The following ADGRE3 variants were observed in gnomAD, a reference collection of about 807,000 sequenced individuals.
The protein encoded by ADGRE3 is EGF-like module receptor 3.
A neutral mutation model predicts 80.1 loss-of-function variants in ADGRE3; 88 were observed. That is an observed-to-expected ratio of 1.10 (90% CI 0.93 to 1.31). The LOEUF (loss-of-function observed/expected upper bound fraction) is 1.31, where lower values mean the gene tolerates loss of function less well. Ranked by LOEUF, ADGRE3 falls within the 40% of genes most tolerant of loss-of-function variation. The pLI is 0.00. For missense variants in ADGRE3, 715 were observed against 776.5 expected (o/e 0.92, Z 0.94); for synonymous variants, 281 against 294.8 (o/e 0.95, Z 0.48).
chr19:14,612,594 C>T, the ADGRE3 span, among the ~76,000 whole-genome samples: 1 of 152,110 alleles, frequency 6.6e-6, no homozygotes, highest in Admixed American at 6.5e-5. Flanking sequence ...CTTGGTCCCC[C>T]AAAGTGCTGG....
chr19:14,606,656 G>A, the ADGRE3 span, among the ~76,000 whole-genome samples: 1 of 150,936 alleles, frequency 6.6e-6, no homozygotes, highest in Admixed American at 6.6e-5. Context: ...CTCCAGCCTG[G>A]GTGACAGAGC....
chr19:14,632,776 C>T, intron 13 of ADGRE3, 145 bp downstream of exon 13: 1 of 534,840 alleles, frequency 1.9e-6, no homozygotes, highest in South Asian at 2.6e-5. Flanking sequence ...CTAGCTAACT[C>T]AGGTTCTCAT....
chr19:14,636,075 C>CCCTTTCTTTCTTTCTTT lies in ADGRE3; in HGVS notation c.1484+2029_1484+2030insAAAGAAAGAAAGAAAGG, dbSNP rs1555755774. ...TTCCTTCCTTCCTTTCCTTTCCTTT[C>CCCTTTCTTTCTTTCTTT]CTTTCCCTTTCTTTCTTTCTTTCTT... On this transcript the variant is annotated intron_variant, in intron 11 of 15. Transcript: ENST00000253673. 4.9e-3 allele frequency among the ~76,000 whole-genome samples: 343 copies of CCCTTTCTTTCTTTCTTT among 70,654 alleles called. 26 individuals carry two copies. Among genetic ancestry groups the CCCTTTCTTTCTTTCTTT allele is most frequent in the Middle Eastern group, 6.1e-3 (1 of 164 alleles). The allele number at this position is 70,654 out of a possible 152,430, so 46.4% of individuals were successfully genotyped here. A position where few individuals can be genotyped will look rare whatever the true frequency, so the allele number is the denominator to read the frequency against.
intron 7 of ADGRE3, among the ~76,000 whole-genome samples, chr19:14,648,999 G>A (rs992776464): frequency 1.8e-5 from 2 of 113,318 alleles, no homozygotes; most frequent in African/African-American, 7.1e-5. Flanking sequence ...TCTCTCTTTC[G>A]ATCTCTCTTT....
intron 7 of ADGRE3, among the ~76,000 whole-genome samples, chr19:14,650,577 C>G (rs1160459384): frequency 6.7e-6 from 1 of 150,236 alleles, no homozygotes; most frequent in Non-Finnish European, 1.5e-5. Flanking sequence ...TACCCATCTG[C>G]CTCTCCACAT....
rs750862448 is a variant in ADGRE3, at chr19:14,662,004, C to T, written c.314G>A (p.Gly105Glu). 3.7e-6 allele frequency: 6 copies of T among 1,614,146 alleles called. No individual in the cohort carries two copies. The highest frequency in any genetic ancestry group is 1.1e-5 in the South Asian group (1 of 91,078). ...QCVPGYRLHS[G>E]NEQFSNSNEN... ...ATTGGAATTACTGAATTGTTCATTC[C>T]CAGAATGCAGTCTATATCCTGGGAC... Residue 105 changes from glycine to glutamate, a missense_variant, in exon 4 of 16, where the codon GGG (glycine) becomes GAG (glutamate). Physicochemically the swap from Gly to Glu is moderately conservative, Grantham distance 98. Transcript: ENST00000253673.
In ADGRE3 at chr19:14,664,722, C is replaced by T. The variant is rs1211615577; in HGVS notation, c.77-1182G>A. On this transcript the variant is annotated intron_variant, in intron 2 of 15. Coordinates refer to ENST00000253673, the MANE Select transcript of ADGRE3 (RefSeq NM_032571.5). ...AGGCTCTGTCTCTAAAACAAAAGGA[C>T]AAAAAAATTTGAATTTGTATGGTAC... is the stretch of plus-strand genomic sequence containing the variant. Among the ~76,000 whole-genome samples, 4 of 151,318 alleles carry T rather than the reference C, an allele frequency of 2.6e-5. No homozygotes were observed. The East Asian group carries it at 5.8e-4, about 22-fold the overall frequency.
rs1351115942 is a variant in ADGRE3 at position 14,643,148 on chromosome 19, T to C, written c.1050+960A>G. The stretch of plus-strand genomic sequence containing the variant: ...ATGTGGTTTATAGTAATCATGGTTT[T>C]TTTTTTTTTTTTTTTTTAGACAGAG... On this transcript the variant is annotated intron_variant, in intron 9 of 15. Transcript: ENST00000253673. 4.3e-5 allele frequency among the ~76,000 whole-genome samples: 4 copies of C among 94,008 alleles called. No individual in the cohort carries two copies. The South Asian group carries it at 8.1e-4, about 19-fold the overall frequency. 61.7% of individuals were successfully genotyped at this position (94,008 alleles called of 152,430 possible).
rs780950614 is a variant in ADGRE3 at position 14,662,129 on chromosome 19, A to G, written c.200-11T>C. The G allele has an allele frequency of 3.7e-6, 6 of 1,613,618 alleles. No homozygotes were observed. The Middle Eastern group carries it at 6.6e-4, about 178-fold the overall frequency. On this transcript the variant is annotated splice_polypyrimidine_tract_variant and intron_variant, in intron 3 of 15. Transcript: ENST00000253673. The stretch of plus-strand genomic sequence containing the variant: ...TACATTCATTAATGTCTGGAACACA[A>G]AGAAGCAATTGGGTCATTCATTCAG...
chr19:14,673,975 A>T (rs1362582311), intron 1 of ADGRE3, among the ~76,000 whole-genome samples: 3 of 152,312 alleles, frequency 2.0e-5, no homozygotes, highest in African/African-American at 7.2e-5. Context: ...AAACAAGAAC[A>T]TGAGGCATTT....
intron 3 of ADGRE3, among the ~76,000 whole-genome samples, chr19:14,662,605 C>G (rs1971979320): frequency 6.6e-6 from 1 of 151,984 alleles, no homozygotes; most frequent in Non-Finnish European, 1.5e-5. Flanking sequence ...AGGCTGGTCT[C>G]AAACTCCTGA....
intron 1 of ADGRE3, among the ~76,000 whole-genome samples, chr19:14,674,365 T>C (rs1308547515): frequency 4.0e-5 from 6 of 151,888 alleles, no homozygotes; most frequent in Non-Finnish European, 7.4e-5. Context: ...GGTGTGGTGA[T>C]GTGTGCCTGT....
At chr19:14,641,958 A>G (rs942204799) in intron 9 of ADGRE3, among the ~76,000 whole-genome samples, 4 of 152,182 alleles carry the variant, frequency 2.6e-5, no homozygotes, top group Non-Finnish European at 5.9e-5. Flanking sequence ...TTAAATGTAT[A>G]CACTTTGATG....
intron 4 of ADGRE3, among the ~76,000 whole-genome samples, chr19:14,661,507 G>T (rs921964990): frequency 1.3e-5 from 2 of 152,144 alleles, no homozygotes; most frequent in Non-Finnish European, 2.9e-5. Context: ...AAAGAATGTG[G>T]TCTCAATCAC....
intron 11 of ADGRE3, among the ~76,000 whole-genome samples, chr19:14,633,708 A>T (rs1307399946): frequency 8.1e-6 from 1 of 123,718 alleles, no homozygotes; most frequent in African/African-American, 3.1e-5. Flanking sequence ...CCGTCTCAAA[A>T]AAAATAAAAT....
At chr19:14,629,653 A>G (rs1970825071) in intron 14 of ADGRE3, among the ~76,000 whole-genome samples, 1 of 152,156 alleles carries the variant, frequency 6.6e-6, no homozygotes, top group African/African-American at 2.4e-5. Flanking sequence ...CCTGGAGCAA[A>G]GGCAAGCTGA....
chr19:14,671,186 T>G (rs1972247786), intron 1 of ADGRE3, among the ~76,000 whole-genome samples: 1 of 152,212 alleles, frequency 6.6e-6, no homozygotes, highest in Non-Finnish European at 1.5e-5. Context: ...CTATCACAAA[T>G]TACCATGACT....
At chr19:14,636,057 C>CTTCCTTCCTTCCTTCCTTTCCT (rs1555755759) in intron 11 of ADGRE3, among the ~76,000 whole-genome samples, 15 of 63,684 alleles carry the variant, frequency 2.4e-4, no homozygotes, top group Middle Eastern at 7.5e-3. Flanking sequence ...TCCTTCCTTC[C>CTTCCTTCCTTCCTTCCTTTCCT]TTCCTTTCCT....
intron 14 of ADGRE3, chr19:14,628,709 C>G: frequency 5.2e-6 from 2 of 386,054 alleles, no homozygotes; most frequent in East Asian, 8.8e-5. Flanking sequence ...CAATAGCAGA[C>G]TGGGATGGAT....
Sources: allele counts gnomAD v4.1 joint callset (sites outside exome capture counted in the v4.1 genomes callset), GRCh38; gene constraint gnomAD v4.1.1; transcripts MANE v1.5; gene names NCBI Gene and HGNC (gene_info 2026-07-23, HGNC 2026-07-21).